The following WDR31 variants were observed in gnomAD, a reference collection of about 807,000 sequenced individuals.
WDR31 encodes the protein WD repeat-containing protein 31.
In WDR31, 30 loss-of-function variants were observed where a neutral mutation model predicts 47.3. The observed-to-expected ratio is 0.63, with a 90% CI of 0.47 to 0.86. WDR31 has a LOEUF of 0.86. WDR31 is among the 40% of genes least tolerant of loss of function. WDR31 has a pLI of 0.00. For missense variants in WDR31, 406 were observed against 442.9 expected (o/e 0.92, Z 0.75); for synonymous variants, 137 against 159.4 (o/e 0.86, Z 1.06).
At chr9:113,339,239 C>T (rs1833778456) in intron 1 of WDR31, among the ~76,000 whole-genome samples, 1 of 152,168 alleles carries the variant, frequency 6.6e-6, no homozygotes, top group South Asian at 2.1e-4. Context: ...TGCAATATTC[C>T]TTGATATACA....
chr9:113,326,368 C>CTTTCTTTCTTTCTCTTTCT (rs1833468609), intron 5 of WDR31, among the ~76,000 whole-genome samples: 1 of 150,996 alleles, frequency 6.6e-6, no homozygotes, highest in South Asian at 2.1e-4. Flanking sequence ...CTTTCCTTTC[C>CTTTCTTTCTTTCTCTTTCT]TTTCTTTCTT....
At position 113,316,725 on chromosome 9, in the gene WDR31, T is replaced by A; in HGVS notation, c.*24A>T. 1 of 1,606,092 alleles carries A rather than the reference T, an allele frequency of 6.2e-7. No homozygotes were observed. The highest frequency in any genetic ancestry group is 8.5e-7 in the Non-Finnish European group (1 of 1,175,660). ...GCTGAGGAGGAGCCATGGTTTGATA[T>A]TGTCCAGTGAGTGTCTCTTGGCCTC... On this transcript the variant is annotated 3_prime_UTR_variant, in exon 11 of 11. Coordinates refer to ENST00000374193, the MANE Select transcript of WDR31 (RefSeq NM_001012361.4).
At position 113,322,830 on chromosome 9, in the gene WDR31, G is replaced by A. The variant is rs779101676; in HGVS notation, c.551C>T (p.Ala184Val). 6.2e-7 allele frequency: 1 copy of A among 1,614,094 alleles called. No individual in the cohort carries two copies. Among genetic ancestry groups the A allele is most frequent in the South Asian group, 1.1e-5 (1 of 91,066 alleles). Residue 184 changes from alanine (A) to valine (V), a missense_variant, in exon 7 of 11, where the codon GCA becomes GTA. Coordinates refer to ENST00000374193, the MANE Select transcript of WDR31 (RefSeq NM_001012361.4). Reference sequence around the variant, plus strand: ...TCATACCACGTTCCTGGAGACAGATGCTCTTTCCACACTCTGTCCTGTCAC... The same window carrying A: ...TCATACCACGTTCCTGGAGACAGATACTCTTTCCACACTCTGTCCTGTCAC... ...DVVTGQSVER[A>V]SVSRNVVTHL...
chr9:113,321,504 A>G lies in WDR31; in HGVS notation c.638+7T>C, dbSNP rs760625770. The stretch of plus-strand genomic sequence containing the variant: ...GAAACACTTTCACAGCTGCTCAGTA[A>G]GCCCACCTGAGGGTTTTATCTTCAG... On this transcript the variant is annotated splice_region_variant and intron_variant, in intron 8 of 10. Coordinates refer to ENST00000374193, the MANE Select transcript of WDR31 (RefSeq NM_001012361.4). The G allele has an allele frequency of 1.2e-6, 2 of 1,614,018 alleles. No homozygotes were observed. Among genetic ancestry groups the G allele is most frequent in the South Asian group, 2.2e-5 (2 of 91,052 alleles).
chr9:113,318,690 T>C, intron 9 of WDR31, 53 bp from the exon 10 acceptor site: 1 of 1,592,282 alleles, frequency 6.3e-7, no homozygotes, highest in Admixed American at 1.7e-5. Flanking sequence ...GCTTCATCCA[T>C]GAATATCTAT....
At chr9:113,336,144 A>T (rs1238400263) in intron 2 of WDR31, 144 bp downstream of exon 2, 1 of 152,246 alleles carries the variant, frequency 6.6e-6, no homozygotes, top group Non-Finnish European at 1.5e-5. Context: ...TGCCATTCAT[A>T]GATCTAGGTC....
intron 8 of WDR31, among the ~76,000 whole-genome samples, chr9:113,321,200 GT>G (rs1280578617): frequency 6.6e-6 from 1 of 152,238 alleles, no homozygotes; most frequent in African/African-American, 2.4e-5. Flanking sequence ...GCCCAACAGG[GT>G]GGGACAAGCA....
At chr9:113,333,528 C>T (rs1452168673) in intron 2 of WDR31, among the ~76,000 whole-genome samples, 1 of 150,946 alleles carries the variant, frequency 6.6e-6, no homozygotes, top group African/African-American at 2.4e-5. Flanking sequence ...ACTACAGGCG[C>T]CCGCCACCGC....
chr9:113,329,150 C>T (rs905677038), intron 4 of WDR31, among the ~76,000 whole-genome samples, 195 bp from the exon 5 acceptor site: 7 of 152,212 alleles, frequency 4.6e-5, no homozygotes, highest in Non-Finnish European at 8.8e-5. Flanking sequence ...TTTCTTTCCT[C>T]CTGGTTGTTC....
At chr9:113,327,183 A>G (rs1833490697) in intron 5 of WDR31, among the ~76,000 whole-genome samples, 1 of 152,106 alleles carries the variant, frequency 6.6e-6, no homozygotes, top group Non-Finnish European at 1.5e-5. Flanking sequence ...TGTTCTCTTA[A>G]TTTATAGAGA....
Position 113,315,597 on chromosome 9 carries a change from C to T in WDR31, c.*1152G>A, listed in dbSNP as rs1174578292. ...GGCAGGCCTGAGCACCTTGCCCCTCCTCACTGAAGGGGGCTTAATGTCTGG... is the reference window on the plus strand; with the variant it reads ...GGCAGGCCTGAGCACCTTGCCCCTCTTCACTGAAGGGGGCTTAATGTCTGG... On this transcript the variant is annotated 3_prime_UTR_variant, in exon 11 of 11. Coordinates refer to ENST00000374193, the MANE Select transcript of WDR31 (RefSeq NM_001012361.4). 2.0e-5 allele frequency: 3 copies of T among 152,194 alleles called. No homozygotes were observed. The highest frequency in any genetic ancestry group is 7.2e-5 in the African/African-American group (3 of 41,430). The allele number at this position is 152,194 out of a possible 1,614,324, so 9.4% of individuals were successfully genotyped here. A position where few individuals can be genotyped will look rare whatever the true frequency, so the allele number is the denominator to read the frequency against.
chr9:113,318,062 A>C (rs1490599525), intron 10 of WDR31, among the ~76,000 whole-genome samples: 1 of 152,198 alleles, frequency 6.6e-6, no homozygotes, highest in African/African-American at 2.4e-5. Context: ...GTGTTCTTAA[A>C]CTTCAGCTAC....
chr9:113,327,419 G>GCACACACACACA (rs35798479), intron 5 of WDR31, among the ~76,000 whole-genome samples: 28 of 148,938 alleles, frequency 1.9e-4, no homozygotes, highest in Middle Eastern at 3.5e-3. Context: ...AGTGTTACAT[G>GCACACACACACA]CACACACACA....
At chr9:113,325,594 C>T (rs1220850562) in intron 5 of WDR31, among the ~76,000 whole-genome samples, 3 of 151,664 alleles carry the variant, frequency 2.0e-5, no homozygotes, top group African/African-American at 7.3e-5. Flanking sequence ...AGAAAGAAAA[C>T]AGAATCTCCT....
In WDR31 at chr9:113,322,794, C is replaced by G; in HGVS notation, c.570+17G>C. 1 of 1,613,184 alleles carries G rather than the reference C, an allele frequency of 6.2e-7. No homozygotes were observed. Among genetic ancestry groups the G allele is most frequent in the Non-Finnish European group, 8.5e-7 (1 of 1,179,488 alleles). On this transcript the variant is annotated intron_variant, in intron 7 of 10. Transcript: ENST00000374193. ...TCCTTTCTGCTGCCCTGTTCTGTAC[C>G]AAGTTTGAGTTCATACCACGTTCCT...
chr9:113,328,351 G>C (rs1336250471), intron 5 of WDR31, among the ~76,000 whole-genome samples: 1 of 152,188 alleles, frequency 6.6e-6, no homozygotes, highest in Non-Finnish European at 1.5e-5. Flanking sequence ...AATGAAGTGT[G>C]TATCTTAATT....
At chr9:113,339,069 G>A (rs1416536774) in intron 1 of WDR31, among the ~76,000 whole-genome samples, 4 of 152,218 alleles carry the variant, frequency 2.6e-5, no homozygotes, top group African/African-American at 7.2e-5. Flanking sequence ...ATTCAGTTAT[G>A]GCTCTGGATG....
In WDR31 at chr9:113,315,546, G is replaced by A. The variant is rs1319555710; in HGVS notation, c.*1203C>T. ...AAAATGGACCAGTGAGCATGAGGCT[G>A]AGGTCTGACTCCTGGGGGCCACACA... is the stretch of plus-strand genomic sequence containing the variant. On this transcript the variant is annotated 3_prime_UTR_variant, in exon 11 of 11. Transcript: ENST00000374193. 6.6e-6 allele frequency: 1 copy of A among 152,260 alleles called. No individual in the cohort carries two copies. Among genetic ancestry groups the A allele is most frequent in the Non-Finnish European group, 1.5e-5 (1 of 68,098 alleles). The allele number at this position is 152,260 out of a possible 1,614,324, so 9.4% of individuals were successfully genotyped here. A position where few individuals can be genotyped will look rare whatever the true frequency, so the allele number is the denominator to read the frequency against.
At chr9:113,339,384 C>T (rs1037712013) in intron 1 of WDR31, among the ~76,000 whole-genome samples, 11 of 152,152 alleles carry the variant, frequency 7.2e-5, no homozygotes, top group Non-Finnish European at 1.2e-4. Flanking sequence ...ATGCTGATAT[C>T]TTATCTCCCT....
Sources: gnomAD v4.1 joint callset for allele counts (sites outside exome capture counted in the v4.1 genomes callset) on GRCh38, gnomAD v4.1.1 for gene constraint, MANE v1.5 for transcripts, NCBI Gene and HGNC (gene_info 2026-07-23, HGNC 2026-07-21) for gene names.